The following HTRA1 variants were observed in gnomAD, a reference collection of about 807,000 sequenced individuals.
The protein encoded by HTRA1 is serine protease HTRA1.
HTRA1 carries 26 observed loss-of-function variants against 49.7 expected under a neutral mutation model. That is an observed-to-expected ratio of 0.52 (90% CI 0.38 to 0.73). The LOEUF (loss-of-function observed/expected upper bound fraction) is 0.73, where lower values mean the gene tolerates loss of function less well. Among genes scored for constraint, HTRA1 ranks in the 30% least tolerant of loss-of-function variants. HTRA1 has a pLI of 0.00. For missense variants in HTRA1, 561 were observed against 667.2 expected (o/e 0.84, Z 1.75); for synonymous variants, 291 against 286.9 (o/e 1.01, Z -0.14).
chr10:122,508,018 C>T (rs1308769515), intron 5 of HTRA1, among the ~76,000 whole-genome samples: 2 of 152,090 alleles, frequency 1.3e-5, no homozygotes, highest in African/African-American at 2.4e-5. Flanking sequence ...GCTCTGGGGC[C>T]ATTTATAGGG....
rs772581719 is a variant in HTRA1, at chr10:122,507,352, A to T, written c.973-18A>T. 1.9e-6 allele frequency: 3 copies of T among 1,608,078 alleles called. No individual in the cohort carries two copies. In the African/African-American group the frequency reaches 4.0e-5, roughly 22 times the overall value. On this transcript the variant is annotated intron_variant, in intron 4 of 8. Transcript: ENST00000368984. Reference sequence around the variant, plus strand: ...TTATGACACGATTTGTAACCTTTTCATTTCTGTTTAATTGCAGTATGGAAA... The same window carrying T: ...TTATGACACGATTTGTAACCTTTTCTTTTCTGTTTAATTGCAGTATGGAAA...
intron 1 of HTRA1, among the ~76,000 whole-genome samples, chr10:122,486,577 G>A (rs147696465): frequency 2.2e-3 from 332 of 152,290 alleles, no homozygotes; most frequent in Non-Finnish European, 3.4e-3. Context: ...GCCCCATGGT[G>A]TCAAGCTGGG....
At position 122,506,886 on chromosome 10, in the gene HTRA1, G is replaced by A. The variant is rs1432594571; in HGVS notation, c.972+1G>A. 3.1e-6 allele frequency: 5 copies of A among 1,612,994 alleles called. No individual in the cohort carries two copies. The highest frequency in any genetic ancestry group is 3.4e-6 in the Non-Finnish European group (4 of 1,179,766). On this transcript the variant is annotated splice_donor_variant, in intron 4 of 8. Transcript: ENST00000368984. LOFTEE classifies it high-confidence loss of function. The surrounding 1 kb of genome is among the most constrained non-coding windows in gnomAD (Gnocchi z 5.2). ...CATCCAGACCGACGCCATCATCAAC[G>A]TGAGCCTCTGTCCCTCTGCGGGTGG...
intron 1 of HTRA1, among the ~76,000 whole-genome samples, chr10:122,472,494 C>G (rs1012381805): frequency 4.0e-5 from 6 of 151,834 alleles, no homozygotes; most frequent in Non-Finnish European, 8.8e-5. Flanking sequence ...CTCCCAGGTT[C>G]AAGCAGTTCT....
chr10:122,467,752 C>T (rs1362243420), intron 1 of HTRA1, among the ~76,000 whole-genome samples: 2 of 151,962 alleles, frequency 1.3e-5, no homozygotes, highest in African/African-American at 2.4e-5. Context: ...TTCATCTTTT[C>T]CTTCTCCACC....
At chr10:122,497,973 C>A (rs72834482) in intron 3 of HTRA1, among the ~76,000 whole-genome samples, 1 of 152,146 alleles carries the variant, frequency 6.6e-6, no homozygotes, top group Non-Finnish European at 1.5e-5. Flanking sequence ...CATTAGCTGT[C>A]GGGCCCCCAT....
chr10:122,474,936 G>A (rs1014614323), intron 1 of HTRA1, among the ~76,000 whole-genome samples: 3 of 151,992 alleles, frequency 2.0e-5, no homozygotes, highest in African/African-American at 2.4e-5. Context: ...AATGACAGGC[G>A]CCTTTAAACA....
chr10:122,496,015 G>A (rs1251545132), intron 3 of HTRA1, among the ~76,000 whole-genome samples: 1 of 152,090 alleles, frequency 6.6e-6, no homozygotes, highest in Non-Finnish European at 1.5e-5. Context: ...CACGTGGCCC[G>A]TGAAGCCAAA....
At chr10:122,512,293 G>A (rs986997089) in intron 8 of HTRA1, among the ~76,000 whole-genome samples, 12 of 152,070 alleles carry the variant, frequency 7.9e-5, no homozygotes, top group African/African-American at 2.9e-4. Flanking sequence ...CTTGCTCCAC[G>A]AGGACCCTCC....
Position 122,461,977 on chromosome 10 carries a change from C to T in HTRA1, c.325C>T (p.Leu109Phe), listed in dbSNP as rs1348853588. 1.3e-6 allele frequency: 2 copies of T among 1,519,370 alleles called. No individual in the cohort carries two copies. Among genetic ancestry groups the T allele is most frequent in the Non-Finnish European group, 8.8e-7 (1 of 1,140,466 alleles). The allele number at this position is 1,519,370 out of a possible 1,614,324, so 94.1% of individuals were successfully genotyped here. Residue 109 changes from leucine to phenylalanine, a missense_variant, in exon 1 of 9, where the codon CTC (leucine) becomes TTC (phenylalanine). Transcript: ENST00000368984. ...GGTGCGGCGGCGCGCGCAGGCCGGCCTCTGTGTGTGCGCCAGCAGCGAGCC... is the reference window on the plus strand; with the variant it reads ...GGTGCGGCGGCGCGCGCAGGCCGGCTTCTGTGTGTGCGCCAGCAGCGAGCC... The part of the protein sequence containing the change: ...ATVRRRAQAG[L>F]CVCASSEPVC...
rs1381696708 is a variant in HTRA1, at chr10:122,511,746, T to A, written c.1179-224T>A. 3.1e-3 allele frequency among the ~76,000 whole-genome samples: 195 copies of A among 61,918 alleles called. 1 individual carries two copies. The highest frequency in any genetic ancestry group is 7.8e-3 in the African/African-American group (181 of 23,154). 40.6% of individuals were successfully genotyped at this position (61,918 alleles called of 152,430 possible). A position where few individuals can be genotyped will look rare whatever the true frequency, so the allele number is the denominator to read the frequency against. On this transcript the variant is annotated intron_variant, in intron 7 of 8. Transcript: ENST00000368984. ...AGACTCTGTCTCAAAAAAAAAAAAA[T>A]AAATAAAAAAAATAAATAAATAATA...
chr10:122,478,550 GCC>G (rs2097489654), intron 1 of HTRA1, among the ~76,000 whole-genome samples: 1 of 151,872 alleles, frequency 6.6e-6, no homozygotes, highest in South Asian at 2.1e-4. Context: ...CTGCCACCAC[GCC>G]TGGCTAATTT....
intron 1 of HTRA1, among the ~76,000 whole-genome samples, chr10:122,476,031 C>A (rs191484167): frequency 1.2e-4 from 19 of 152,328 alleles, no homozygotes; most frequent in Admixed American, 1.2e-3. Context: ...ATATATGCTT[C>A]TTTTTCTTTT....
chr10:122,473,712 C>T, intron 1 of HTRA1, among the ~76,000 whole-genome samples: 1 of 152,108 alleles, frequency 6.6e-6, no homozygotes, highest in East Asian at 1.9e-4. Flanking sequence ...AAAAAGAAAC[C>T]CCGTATCCAT....
Position 122,506,756 on chromosome 10 carries a change from C to T in HTRA1, c.843C>T (p.Ala281=), listed in dbSNP as rs202167109. ...TGCGGCCGGGAGAGTTCGTGGTCGC[C>T]ATCGGAAGCCCGTTTTCCCTTCAAA... ...SELRPGEFVV[A]IGSPFSLQNT... The change falls in exon 4 of 9, where the codon GCC becomes GCT. Residue 281 remains alanine, a synonymous_variant. Transcript: ENST00000368984. This position sits in a 1 kb window ranked among gnomAD's most constrained non-coding sequence, Gnocchi z 5.2. 133 of 1,613,850 alleles carry T rather than the reference C, an allele frequency of 8.2e-5. 1 individual carries two copies. In the East Asian group the frequency reaches 2.9e-3, roughly 35 times the overall value.
intron 1 of HTRA1, among the ~76,000 whole-genome samples, chr10:122,462,963 C>T (rs772726667): frequency 1.6e-4 from 24 of 152,258 alleles, no homozygotes; most frequent in Non-Finnish European, 3.4e-4. Context: ...CTAACTCTCT[C>T]GCGGGACCTT....
chr10:122,463,214 T>C (rs994678805), intron 1 of HTRA1, among the ~76,000 whole-genome samples: 1 of 152,200 alleles, frequency 6.6e-6, no homozygotes, highest in Non-Finnish European at 1.5e-5. Flanking sequence ...AGGAATATGG[T>C]TCGGTGTGAC....
chr10:122,495,388 C>T (rs886197728), intron 3 of HTRA1, among the ~76,000 whole-genome samples: 2 of 152,080 alleles, frequency 1.3e-5, no homozygotes, highest in African/African-American at 4.8e-5. Flanking sequence ...TGATTTTTAC[C>T]ATTTTTAGGG....
rs1007569792 is a variant in HTRA1, at chr10:122,489,304, G to A, written c.573-118G>A. On this transcript the variant is annotated intron_variant, in intron 2 of 8. Transcript: ENST00000368984. ...TGTTTAGTGTTTAAATGCTAAGCCC[G>A]ATATATAAAGGAGCGATGGCTAGGT... 19 of 1,004,310 alleles carry A rather than the reference G, an allele frequency of 1.9e-5. No homozygotes were observed. In the East Asian group the frequency reaches 1.9e-4, roughly 10 times the overall value. The allele number at this position is 1,004,310 out of a possible 1,614,324, so 62.2% of individuals were successfully genotyped here. A position where few individuals can be genotyped will look rare whatever the true frequency, so the allele number is the denominator to read the frequency against.
Sources: allele counts gnomAD v4.1 joint callset (sites outside exome capture counted in the v4.1 genomes callset), GRCh38; gene constraint gnomAD v4.1.1; non-coding constraint Gnocchi (gnomAD v3.1); transcripts MANE v1.5; gene names NCBI Gene and HGNC (gene_info 2026-07-23, HGNC 2026-07-21).